TMEM116: variants seen among roughly 807,000 people sequenced by gnomAD.
The protein encoded by TMEM116 is transmembrane protein 116.
In TMEM116, 38 loss-of-function variants were observed where a neutral mutation model predicts 44.3. That is an observed-to-expected ratio of 0.86 (90% CI 0.66 to 1.12). The LOEUF is 1.12. Ranked by LOEUF, TMEM116 falls within the 50% of genes most tolerant of loss-of-function variation. TMEM116 has a pLI of 0.00. For synonymous variants in TMEM116, 132 were observed against 144.8 expected, an observed-to-expected ratio of 0.91 and a Z score of 0.64; for missense variants, 354 against 401.7, an observed-to-expected ratio of 0.88 and a Z score of 1.01.
At chr12:111,992,369 A>G (rs2076665544) in intron 3 of TMEM116, among the ~76,000 whole-genome samples, 2 of 150,542 alleles carry the variant, frequency 1.3e-5, no homozygotes, top group African/African-American at 4.9e-5. Flanking sequence ...TCCTGGGTTC[A>G]CACCATTCTC....
chr12:111,985,374 A>C (rs1175190651), intron 4 of TMEM116, among the ~76,000 whole-genome samples: 1 of 152,164 alleles, frequency 6.6e-6, no homozygotes, highest in Non-Finnish European at 1.5e-5. Flanking sequence ...AATCAGCTGC[A>C]CTTCTATGTA....
At chr12:111,993,655 C>CA (rs2076754208) in intron 3 of TMEM116, 4 of 587,396 alleles carry the variant, frequency 6.8e-6, no homozygotes, top group Non-Finnish European at 1.3e-5. Context: ...CTGGATGAGA[C>CA]AGATAGCATA....
intron 4 of TMEM116, among the ~76,000 whole-genome samples, chr12:111,950,907 G>A (rs1478899586): frequency 6.6e-6 from 1 of 152,092 alleles, no homozygotes; most frequent in Admixed American, 6.5e-5. Context: ...CCTACAGAAA[G>A]AAAGAAAATT....
chr12:111,959,937 T>G (rs2074449876), intron 4 of TMEM116, among the ~76,000 whole-genome samples: 1 of 152,116 alleles, frequency 6.6e-6, no homozygotes, highest in Non-Finnish European at 1.5e-5. Context: ...CGATATTAGA[T>G]CAACGAGACA....
intron 3 of TMEM116, among the ~76,000 whole-genome samples, chr12:111,997,556 TA>T (rs945921952): frequency 6.7e-6 from 1 of 149,884 alleles, no homozygotes; most frequent in African/African-American, 2.5e-5. Flanking sequence ...TCCTGTTATC[TA>T]AAAAAAAACA....
At chr12:111,982,642 A>G (rs576713112) in intron 4 of TMEM116, among the ~76,000 whole-genome samples, 11 of 152,064 alleles carry the variant, frequency 7.2e-5, no homozygotes, top group Non-Finnish European at 1.2e-4. Flanking sequence ...AAATCAATCA[A>G]TCAATCAATC....
Position 111,937,252 on chromosome 12 carries a change from G to GA in TMEM116, c.366-10dup. ...ATAGCAGAGGTATCAGGCTGGGAGG[G>GA]AAAAAAAGTATCACCCTAATATCCA... is the stretch of plus-strand genomic sequence containing the variant. On this transcript the variant is annotated splice_polypyrimidine_tract_variant and intron_variant, in intron 6 of 10. Coordinates refer to ENST00000552374, the MANE Select transcript of TMEM116 (RefSeq NM_001193531.2). 6.2e-7 allele frequency: 1 copy of GA among 1,608,764 alleles called. No homozygotes were observed. Among genetic ancestry groups the GA allele is most frequent in the South Asian group, 1.1e-5 (1 of 90,822 alleles).
At chr12:111,962,448 T>C (rs1379821495) in intron 4 of TMEM116, among the ~76,000 whole-genome samples, 1 of 152,182 alleles carries the variant, frequency 6.6e-6, no homozygotes, top group Non-Finnish European at 1.5e-5. Context: ...AACAGCATGG[T>C]ACTGGTACCA....
chr12:111,953,326 G>T (rs2073869819), intron 4 of TMEM116, among the ~76,000 whole-genome samples: 1 of 152,102 alleles, frequency 6.6e-6, no homozygotes, highest in Admixed American at 6.6e-5. Flanking sequence ...CTGACACCAA[G>T]AAACAATCAA....
chr12:111,968,251 C>G (rs757553657), intron 4 of TMEM116, among the ~76,000 whole-genome samples: 2 of 152,056 alleles, frequency 1.3e-5, no homozygotes, highest in Admixed American at 1.3e-4. Context: ...GTTCTCACCA[C>G]CAAGACTAGA....
At chr12:111,994,438 C>G (rs2076814431) in intron 3 of TMEM116, among the ~76,000 whole-genome samples, 1 of 152,166 alleles carries the variant, frequency 6.6e-6, no homozygotes, top group East Asian at 1.9e-4. Context: ...AAGCTGGGTC[C>G]AGGGCGTCAC....
chr12:111,963,834 T>G (rs941306491), intron 4 of TMEM116, among the ~76,000 whole-genome samples: 1 of 152,114 alleles, frequency 6.6e-6, no homozygotes, highest in African/African-American at 2.4e-5. Flanking sequence ...AAAGAAATGC[T>G]GAGGAAAATA....
chr12:111,959,738 C>A (rs2074434387), intron 4 of TMEM116, among the ~76,000 whole-genome samples: 1 of 152,036 alleles, frequency 6.6e-6, no homozygotes, highest in Non-Finnish European at 1.5e-5. Flanking sequence ...ACCAAACCAA[C>A]AAAGATCAAA....
intron 4 of TMEM116, among the ~76,000 whole-genome samples, chr12:111,981,428 C>G (rs1021138237): frequency 1.4e-4 from 21 of 152,210 alleles, no homozygotes; most frequent in African/African-American, 4.6e-4. Context: ...ATTCCTGTTG[C>G]AGGTTGTTAG....
In TMEM116 at chr12:111,938,645, C is replaced by T. The variant is rs558576026; in HGVS notation, c.316-435G>A. 1.4e-4 allele frequency among the ~76,000 whole-genome samples: 21 copies of T among 152,226 alleles called. 1 individual carries two copies. In the South Asian group the frequency reaches 3.3e-3, roughly 24 times the overall value. Reference sequence around the variant, plus strand: ...GTGGAATGAAACCCTTCTTATAAGACGACCAGTAAAAAGTGTAATAGTCCA... The same window carrying T: ...GTGGAATGAAACCCTTCTTATAAGATGACCAGTAAAAAGTGTAATAGTCCA... On this transcript the variant is annotated intron_variant, in intron 5 of 10. Coordinates refer to ENST00000552374, the MANE Select transcript of TMEM116 (RefSeq NM_001193531.2).
intron 3 of TMEM116, among the ~76,000 whole-genome samples, chr12:111,998,845 G>A (rs2070073684): frequency 6.6e-6 from 1 of 151,990 alleles, no homozygotes; most frequent in Non-Finnish European, 1.5e-5. Context: ...AAGGGGGAAA[G>A]GAAAGGAAAG....
intron 4 of TMEM116, among the ~76,000 whole-genome samples, chr12:111,973,922 C>CA (rs932615168): frequency 4.0e-5 from 6 of 151,108 alleles, no homozygotes; most frequent in South Asian, 2.1e-4. Flanking sequence ...CAAAAAAACC[C>CA]AAAAAAACAA....
At position 111,969,373 on chromosome 12, in the gene TMEM116, G is replaced by A. The variant is rs1287483702; in HGVS notation, c.210+22385C>T. ...AACTGCTAGAGGCAAAAACTACAGT[G>A]CAACTATAATGGATGAGTTTTTTTG... is the stretch of plus-strand genomic sequence containing the variant. On this transcript the variant is annotated intron_variant, in intron 4 of 10. Coordinates refer to ENST00000552374, the MANE Select transcript of TMEM116 (RefSeq NM_001193531.2). Among the ~76,000 whole-genome samples the A allele has an allele frequency of 4.0e-5, 6 of 150,016 alleles. No homozygotes were observed. In the East Asian group the frequency reaches 1.2e-3, roughly 29 times the overall value.
At chr12:112,008,709 C>G (rs371444112) in intron 1 of TMEM116, among the ~76,000 whole-genome samples, 1 of 152,064 alleles carries the variant, frequency 6.6e-6, no homozygotes, top group Non-Finnish European at 1.5e-5. Context: ...CGGTGGAGTA[C>G]GCCTGTAATC....
Sources: allele counts gnomAD v4.1 joint callset (sites outside exome capture counted in the v4.1 genomes callset), GRCh38; gene constraint gnomAD v4.1.1; transcripts MANE v1.5; gene names NCBI Gene and HGNC (gene_info 2026-07-23, HGNC 2026-07-21).